The following EPB41L4A variants were observed in gnomAD, a reference collection of about 807,000 sequenced individuals.
The protein encoded by EPB41L4A is erythrocyte membrane protein band 4.1 like 4A.
EPB41L4A carries 100 observed loss-of-function variants against 108.6 expected under a neutral mutation model. The observed-to-expected ratio is 0.92, with a 90% confidence interval of 0.78 to 1.09. The LOEUF (loss-of-function observed/expected upper bound fraction) is 1.09, where lower values mean the gene tolerates loss of function less well. Among genes scored for constraint, EPB41L4A ranks in the 50% least tolerant of loss-of-function variants. The pLI, the probability that EPB41L4A is intolerant of heterozygous loss-of-function variation, is 0.00. For missense variants in EPB41L4A, 1,030 were observed against 842.7 expected, an observed-to-expected ratio of 1.22 and a Z score of -2.75; for synonymous variants, 319 against 289.0, an observed-to-expected ratio of 1.10 and a Z score of -1.05.
intron 1 of EPB41L4A, among the ~76,000 whole-genome samples, chr5:112,364,919 G>T (rs1368179263): frequency 6.6e-6 from 1 of 152,026 alleles, no homozygotes; most frequent in Non-Finnish European, 1.5e-5. Context: ...TATATTCATA[G>T]AACCATATGT....
At chr5:112,179,126 A>G (rs1175563929) in intron 18 of EPB41L4A, among the ~76,000 whole-genome samples, 1 of 152,082 alleles carries the variant, frequency 6.6e-6, no homozygotes, top group Admixed American at 6.5e-5. Context: ...AATTATTTTA[A>G]AAGTATAAAT....
At position 112,280,259 on chromosome 5, in the gene EPB41L4A, G is replaced by A; in HGVS notation, c.256+13C>T. 1 of 1,612,618 alleles carries A rather than the reference G, an allele frequency of 6.2e-7. No individual in the cohort carries two copies. Among genetic ancestry groups the A allele is most frequent in the Non-Finnish European group, 8.5e-7 (1 of 1,178,656 alleles). ...CAAGCCACCCTTTAACAAAGTAAAA[G>A]CTAAATACCTACTGTTGATCAGTTC... On this transcript the variant is annotated intron_variant, in intron 3 of 22. Transcript: ENST00000261486.
intron 1 of EPB41L4A, among the ~76,000 whole-genome samples, chr5:112,316,808 G>C (rs1309980340): frequency 2.6e-5 from 4 of 152,120 alleles, no homozygotes; most frequent in Non-Finnish European, 1.5e-5. Flanking sequence ...TGGCTGGAGA[G>C]GTCTACCTGG....
chr5:112,251,431 C>T (rs1318566973), intron 9 of EPB41L4A, among the ~76,000 whole-genome samples: 1 of 152,120 alleles, frequency 6.6e-6, no homozygotes, highest in African/African-American at 2.4e-5. Flanking sequence ...ACATTCAATA[C>T]AGTGCTACGT....
chr5:112,243,460 C>T (rs766066645), intron 9 of EPB41L4A, among the ~76,000 whole-genome samples: 11 of 152,076 alleles, frequency 7.2e-5, no homozygotes, highest in Non-Finnish European at 1.5e-4. Context: ...TCACCAGCTG[C>T]AGTAGCACCT....
intron 1 of EPB41L4A, among the ~76,000 whole-genome samples, chr5:112,343,861 A>G (rs1335147357): frequency 1.3e-5 from 2 of 152,230 alleles, no homozygotes; most frequent in Admixed American, 1.3e-4. Flanking sequence ...ATACATAACC[A>G]TTTATCACAC....
At chr5:112,220,752 G>C (rs573879297) in intron 12 of EPB41L4A, among the ~76,000 whole-genome samples, 1 of 152,134 alleles carries the variant, frequency 6.6e-6, no homozygotes, top group East Asian at 1.9e-4. Context: ...TCCTGAAACA[G>C]GTCTAAAACC....
intron 1 of EPB41L4A, among the ~76,000 whole-genome samples, chr5:112,393,662 C>T (rs577412664): frequency 6.6e-6 from 1 of 152,084 alleles, no homozygotes; most frequent in East Asian, 1.9e-4. Flanking sequence ...ACCAGAGGTA[C>T]AAGGAGGAGC....
At chr5:112,195,905 G>C (rs1761945204) in intron 15 of EPB41L4A, among the ~76,000 whole-genome samples, 197 bp from the exon 16 acceptor site, 1 of 151,994 alleles carries the variant, frequency 6.6e-6, no homozygotes, top group African/African-American at 2.4e-5. Context: ...ACATCACCTG[G>C]CCTCACTCTA....
intron 1 of EPB41L4A, among the ~76,000 whole-genome samples, chr5:112,379,663 A>C (rs770192154): frequency 2.6e-5 from 4 of 152,220 alleles, no homozygotes; most frequent in South Asian, 2.1e-4. Context: ...CTGCATAAGA[A>C]GACGACCAAC....
At chr5:112,327,500 G>C (rs1188719830) in intron 1 of EPB41L4A, among the ~76,000 whole-genome samples, 1 of 152,074 alleles carries the variant, frequency 6.6e-6, no homozygotes, top group Non-Finnish European at 1.5e-5. Context: ...AGAATCACTT[G>C]AGGCAAGGAG....
At position 112,395,880 on chromosome 5, in the gene EPB41L4A, T is replaced by C. The variant is rs7702755; in HGVS notation, c.99+23061A>G. 8.3e-3 allele frequency among the ~76,000 whole-genome samples: 1,261 copies of C among 152,208 alleles called. 20 individuals carry two copies. Among genetic ancestry groups the C allele is most frequent in the African/African-American group, 0.029 (1,184 of 41,514 alleles). On this transcript the variant is annotated intron_variant, in intron 1 of 22. Coordinates refer to ENST00000261486, the MANE Select transcript of EPB41L4A (RefSeq NM_022140.5). The stretch of plus-strand genomic sequence containing the variant: ...TCAATGATAGACTGGATTAAGAAAA[T>C]GTGGCACATTATACACCATGCAATA...
rs146272691 is a variant in EPB41L4A at position 112,366,422 on chromosome 5, C to T, written c.99+52519G>A. Among the ~76,000 whole-genome samples the T allele has an allele frequency of 2.9e-3, 446 of 152,044 alleles. 2 individuals are homozygous for T. The highest frequency in any genetic ancestry group is 0.01 in the African/African-American group (428 of 41,462). On this transcript the variant is annotated intron_variant, in intron 1 of 22. Transcript: ENST00000261486. ...ATCTACAAAGGCAAAGGCAGACAGC[C>T]CAACAAGAGATGGTGGAGTACCCCG...
At chr5:112,369,306 G>A (rs1759336413) in intron 1 of EPB41L4A, among the ~76,000 whole-genome samples, 1 of 152,158 alleles carries the variant, frequency 6.6e-6, no homozygotes, top group Admixed American at 6.5e-5. Flanking sequence ...GTGGACCACA[G>A]CAGTCTCCTA....
At chr5:112,199,244 T>C (rs776365947) in intron 15 of EPB41L4A, among the ~76,000 whole-genome samples, 3 of 152,248 alleles carry the variant, frequency 2.0e-5, no homozygotes, top group Admixed American at 1.3e-4. Context: ...CTAGTATCCA[T>C]AGTCTTTTCT....
At chr5:112,323,304 A>C (rs1029321298) in intron 1 of EPB41L4A, among the ~76,000 whole-genome samples, 1 of 152,212 alleles carries the variant, frequency 6.6e-6, no homozygotes, top group Non-Finnish European at 1.5e-5. Flanking sequence ...CAGCAAGCTT[A>C]GGCAGCAATA....
At chr5:112,395,153 C>G (rs962741923) in intron 1 of EPB41L4A, among the ~76,000 whole-genome samples, 2 of 152,152 alleles carry the variant, frequency 1.3e-5, no homozygotes, top group Admixed American at 6.5e-5. Flanking sequence ...TAGAAGAAAA[C>G]CTAGGCAATA....
At chr5:112,393,213 T>C (rs1331638681) in intron 1 of EPB41L4A, among the ~76,000 whole-genome samples, 4 of 151,998 alleles carry the variant, frequency 2.6e-5, no homozygotes, top group East Asian at 1.9e-4. Context: ...ATTCAAAAGC[T>C]AGCAGAAAGC....
At chr5:112,304,423 C>A (rs1304216414) in intron 2 of EPB41L4A, among the ~76,000 whole-genome samples, 4 of 152,182 alleles carry the variant, frequency 2.6e-5, no homozygotes, top group African/African-American at 9.6e-5. Flanking sequence ...ACACACCAGT[C>A]TGGATCAAGA....
Sources: allele counts gnomAD v4.1 joint callset (sites outside exome capture counted in the v4.1 genomes callset), GRCh38; gene constraint gnomAD v4.1.1; transcripts MANE v1.5; gene names NCBI Gene and HGNC (gene_info 2026-07-23, HGNC 2026-07-21).